HIPK3: variants seen among roughly 807,000 people sequenced by gnomAD.
The protein encoded by HIPK3 is homeodomain-interacting protein kinase 3.
Under a neutral mutation model 124.2 loss-of-function variants are expected in HIPK3, and 47 were observed. The ratio of observed to expected loss-of-function variants is 0.38; its 90% confidence interval spans 0.30 to 0.48. The LOEUF (loss-of-function observed/expected upper bound fraction) is 0.48. Ranked by LOEUF, HIPK3 falls within the 20% of genes least tolerant of loss-of-function variation. HIPK3 has a pLI of 0.98. For synonymous variants in HIPK3, 482 were observed against 515.2 expected (o/e 0.94, Z 0.87); for missense variants, 1,286 against 1,454.3 (o/e 0.88, Z 1.88).
chr11:33,284,329 A>G (rs891368137), intron 1 of HIPK3, among the ~76,000 whole-genome samples: 2 of 152,228 alleles, frequency 1.3e-5, no homozygotes, highest in Non-Finnish European at 2.9e-5. Context: ...TGACAATTAC[A>G]ATATAATGAA....
chr11:33,352,304 C>CA (rs1460178986), intron 16 of HIPK3, 39 bp downstream of exon 16: 6 of 1,600,486 alleles, frequency 3.7e-6, no homozygotes, highest in Admixed American at 1.7e-5. Context: ...CTGTGGGATT[C>CA]AAATTTAGCA....
At chr11:33,336,175 A>G (rs1853142168) in intron 3 of HIPK3, among the ~76,000 whole-genome samples, 1 of 152,236 alleles carries the variant, frequency 6.6e-6, no homozygotes. Flanking sequence ...AGGCCTGGTC[A>G]ATAAGGCAAC....
chr11:33,341,091 T>C lies in HIPK3; in HGVS notation c.1737T>C (p.Thr579=). Residue 579 remains threonine, a synonymous_variant, in exon 7 of 17, where the codon ACT becomes ACC. Transcript: ENST00000303296. The part of the protein sequence containing the change: ...PVASSSTATL[T]ANFTKIGTLR... The stretch of plus-strand genomic sequence containing the variant: ...CTTCAAGCAGTACTGCTACACTGAC[T>C]GCAAATTTTACTAAAATCGGAACAT... 6.3e-7 allele frequency: 1 copy of C among 1,598,628 alleles called. No individual in the cohort carries two copies. The highest frequency in any genetic ancestry group is 8.5e-7 in the Non-Finnish European group (1 of 1,174,896).
chr11:33,296,761 G>T (rs1851852443), intron 2 of HIPK3, among the ~76,000 whole-genome samples: 1 of 152,202 alleles, frequency 6.6e-6, no homozygotes. Flanking sequence ...ACAACCAGCT[G>T]ATCCTTGGTC....
chr11:33,294,519 C>G (rs1327864857), intron 2 of HIPK3, among the ~76,000 whole-genome samples: 3 of 152,174 alleles, frequency 2.0e-5, no homozygotes, highest in African/African-American at 7.2e-5. Flanking sequence ...TAAGGACATT[C>G]TCTTGCATAA....
At chr11:33,317,547 G>A (rs913205269) in intron 2 of HIPK3, among the ~76,000 whole-genome samples, 1 of 152,130 alleles carries the variant, frequency 6.6e-6, no homozygotes, top group African/African-American at 2.4e-5. Context: ...GATTACAGTC[G>A]TGAGCCACTG....
intron 2 of HIPK3, among the ~76,000 whole-genome samples, chr11:33,309,378 G>A (rs548702946): frequency 6.6e-6 from 1 of 152,314 alleles, no homozygotes; most frequent in East Asian, 1.9e-4. Flanking sequence ...GTCTCCCAAA[G>A]TGTTGGGATT....
At chr11:33,304,382 A>T (rs951602239) in intron 2 of HIPK3, among the ~76,000 whole-genome samples, 2 of 152,004 alleles carry the variant, frequency 1.3e-5, no homozygotes, top group African/African-American at 4.8e-5. Context: ...ACATGGAGAA[A>T]CCCCGTCTCT....
chr11:33,327,339 C>A (rs1852840652), intron 2 of HIPK3, among the ~76,000 whole-genome samples: 1 of 152,134 alleles, frequency 6.6e-6, no homozygotes, highest in South Asian at 2.1e-4. Context: ...CAAACCCACA[C>A]TGAGGGACGT....
chr11:33,328,787 T>G (rs1157476468), intron 3 of HIPK3, among the ~76,000 whole-genome samples, 154 bp downstream of exon 3: 1 of 152,154 alleles, frequency 6.6e-6, no homozygotes, highest in Non-Finnish European at 1.5e-5. Context: ...TTTTGAAAAC[T>G]GTTTTATAAT....
intron 2 of HIPK3, among the ~76,000 whole-genome samples, chr11:33,299,929 G>A (rs1851947108): frequency 1.3e-5 from 2 of 151,414 alleles, no homozygotes; most frequent in Admixed American, 1.3e-4. Flanking sequence ...TGCTGAGGTG[G>A]GAGGATTGCT....
At chr11:33,260,910 G>A (rs924610350) in intron 1 of HIPK3, among the ~76,000 whole-genome samples, 1 of 151,930 alleles carries the variant, frequency 6.6e-6, no homozygotes, top group African/African-American at 2.4e-5. Context: ...TAACTTGGAA[G>A]TTACTTCTGA....
chr11:33,285,389 T>A (rs1350999727), intron 1 of HIPK3, among the ~76,000 whole-genome samples: 1 of 152,094 alleles, frequency 6.6e-6, no homozygotes, highest in African/African-American at 2.4e-5. Context: ...TTGAGAAGAA[T>A]GGGAACATGA....
At position 33,331,190 on chromosome 11, in the gene HIPK3, T is replaced by C. The variant is rs375226859; in HGVS notation, c.1221+2557T>C. 9.7e-4 allele frequency among the ~76,000 whole-genome samples: 148 copies of C among 152,268 alleles called. 1 individual carries two copies. The highest frequency in any genetic ancestry group is 5.0e-3 in the South Asian group (24 of 4,826). The stretch of plus-strand genomic sequence containing the variant: ...GAGCCACTGCGCCTGGCCACATATG[T>C]TTCTCAGAACAGCTTTAGTCTGTTT... On this transcript the variant is annotated intron_variant, in intron 3 of 16. Transcript: ENST00000303296.
chr11:33,322,784 C>A (rs573280238), intron 2 of HIPK3, among the ~76,000 whole-genome samples: 1 of 152,206 alleles, frequency 6.6e-6, no homozygotes, highest in African/African-American at 2.4e-5. Flanking sequence ...CAAGGCTGCG[C>A]CACTGCACTC....
rs1853812742 is a variant in HIPK3 at position 33,356,198 on chromosome 11, A to T, written c.*2630A>T. 6.6e-6 allele frequency: 1 copy of T among 152,046 alleles called. No homozygotes were observed. Among genetic ancestry groups the T allele is most frequent in the African/African-American group, 2.4e-5 (1 of 41,448 alleles). 9.4% of individuals were successfully genotyped at this position (152,046 alleles called of 1,614,324 possible). On this transcript the variant is annotated 3_prime_UTR_variant, in exon 17 of 17. Coordinates refer to ENST00000303296, the MANE Select transcript of HIPK3 (RefSeq NM_005734.5). ...GTCTTGTTAAATTGACATAAATGGT[A>T]AACTTCAACATTTTCATAATACAGT...
chr11:33,286,238 G>C (rs1305067703), intron 1 of HIPK3, among the ~76,000 whole-genome samples, 175 bp from the exon 2 acceptor site: 2 of 151,780 alleles, frequency 1.3e-5, no homozygotes, highest in Non-Finnish European at 1.5e-5. Flanking sequence ...TATAAAGATA[G>C]TTATCTTCTC....
At chr11:33,262,548 A>G (rs1288461293) in intron 1 of HIPK3, among the ~76,000 whole-genome samples, 1 of 152,198 alleles carries the variant, frequency 6.6e-6, no homozygotes, top group East Asian at 1.9e-4. Flanking sequence ...AAACAACTGG[A>G]TGAATATTGT....
At chr11:33,268,582 CT>C (rs2133871438) in intron 1 of HIPK3, among the ~76,000 whole-genome samples, 1 of 110,476 alleles carries the variant, frequency 9.1e-6, no homozygotes, top group East Asian at 2.6e-4. Context: ...CAGAGTAAGA[CT>C]CCGTCACCAA....
Sources: allele counts gnomAD v4.1 joint callset (sites outside exome capture counted in the v4.1 genomes callset), GRCh38; gene constraint gnomAD v4.1.1; transcripts MANE v1.5; gene names NCBI Gene and HGNC (gene_info 2026-07-23, HGNC 2026-07-21).